Variants in DSE observed in about 807,000 individuals in gnomAD.
DSE encodes dermatan-sulfate epimerase.
DSE carries 36 observed loss-of-function variants against 84.4 expected under a neutral mutation model. The ratio of observed to expected loss-of-function variants is 0.43; its 90% CI spans 0.33 to 0.56. DSE has a LOEUF of 0.56. Among genes scored for constraint, DSE ranks in the 20% least tolerant of loss-of-function variants. DSE has a pLI of 0.06. For missense variants in DSE, 862 were observed against 1,169.6 expected, an observed-to-expected ratio of 0.74 and a Z score of 3.84; for synonymous variants, 410 against 430.1, an observed-to-expected ratio of 0.95 and a Z score of 0.58.
At chr6:116,258,321 T>G in intron 1 of DSE, 1 of 494,902 alleles carries the variant, frequency 2.0e-6, no homozygotes, top group Non-Finnish European at 3.7e-6. Context: ...TGGCCAGATA[T>G]TTCTTTTTAT....
rs181384443 is a variant in DSE at position 116,411,729 on chromosome 6, T to C, written c.416+12063T>C. Among the ~76,000 whole-genome samples the C allele has an allele frequency of 3.3e-5, 5 of 152,376 alleles. No individual in the cohort carries two copies. In the East Asian group the frequency reaches 9.6e-4, roughly 29 times the overall value. On this transcript the variant is annotated intron_variant, in intron 2 of 5. Transcript: ENST00000644252. ...TTTCTAGAAACCACATGAAGTTTAC[T>C]ATTTTACCTTTTTCCAAGAGCCTGT... is the stretch of plus-strand genomic sequence containing the variant.
intron 2 of DSE, among the ~76,000 whole-genome samples, chr6:116,414,553 C>G (rs1443258011): frequency 6.6e-6 from 1 of 152,126 alleles, no homozygotes; most frequent in Non-Finnish European, 1.5e-5. Context: ...GCTGGGATTA[C>G]AGGCATGTGC....
At chr6:116,296,371 G>A (rs1282465967) in intron 2 of DSE, among the ~76,000 whole-genome samples, 1 of 152,070 alleles carries the variant, frequency 6.6e-6, no homozygotes, top group Non-Finnish European at 1.5e-5. Context: ...AGAACCCTTG[G>A]ATATGAAGGG....
intron 2 of DSE, among the ~76,000 whole-genome samples, chr6:116,304,851 C>T (rs1394978427): frequency 1.3e-5 from 2 of 152,182 alleles, no homozygotes; most frequent in Non-Finnish European, 2.9e-5. Context: ...GGTTGTCATT[C>T]TACTATCTTT....
At chr6:116,329,495 A>T (rs74519877) in intron 2 of DSE, among the ~76,000 whole-genome samples, 7,090 of 152,330 alleles carry the variant, frequency 0.047, 229 homozygotes, top group Non-Finnish European at 0.069. Flanking sequence ...ATCCCAAAGA[A>T]AAAAGGATAT....
At position 116,441,250 on chromosome 6, in the gene DSE, G is replaced by A. The variant is rs1012760059; in HGVS notation, c.*3905G>A. 1 of 152,046 alleles carries A rather than the reference G, an allele frequency of 6.6e-6. No homozygotes were observed. The highest frequency in any genetic ancestry group is 2.4e-5 in the African/African-American group (1 of 41,402). The allele number at this position is 152,046 out of a possible 1,614,324, so 9.4% of individuals were successfully genotyped here. ...AGTCACTATGTGAAGAATAAAAATA[G>A]ACAAAGTTGCATTATGACTTTTCTT... is the stretch of plus-strand genomic sequence containing the variant. On this transcript the variant is annotated 3_prime_UTR_variant, in exon 6 of 6. Coordinates refer to ENST00000644252, the MANE Select transcript of DSE (RefSeq NM_013352.4).
chr6:116,395,542 C>T (rs948150041), intron 1 of DSE, among the ~76,000 whole-genome samples: 2 of 152,138 alleles, frequency 1.3e-5, no homozygotes, highest in Non-Finnish European at 2.9e-5. Context: ...ATTCAGGTAC[C>T]ACCTTCAACA....
At chr6:116,348,963 C>G (rs1016614193) in intron 2 of DSE, among the ~76,000 whole-genome samples, 6 of 146,274 alleles carry the variant, frequency 4.1e-5, no homozygotes, top group African/African-American at 1.5e-4. Context: ...CATCACACAC[C>G]AGGGTGGGGT....
chr6:116,415,696 C>T (rs964588206), intron 2 of DSE, among the ~76,000 whole-genome samples: 1 of 151,550 alleles, frequency 6.6e-6, no homozygotes, highest in Admixed American at 6.6e-5. Context: ...TTTTATTGCA[C>T]TTACCTTCCT....
chr6:116,394,438 A>AT (rs36065645), intron 1 of DSE, among the ~76,000 whole-genome samples: 53,231 of 147,060 alleles, frequency 0.36, 9,646 homozygotes, highest in Admixed American at 0.4. Context: ...TAACAGCGTG[A>AT]TTTTTTTTTT....
At chr6:116,404,109 T>C (rs2115006162) in intron 2 of DSE, among the ~76,000 whole-genome samples, 1 of 152,298 alleles carries the variant, frequency 6.6e-6, no homozygotes, top group East Asian at 1.9e-4. Flanking sequence ...AGCCTCCCTA[T>C]ACCTTATGAA....
chr6:116,377,238 A>G (rs1779980845), intron 1 of DSE, among the ~76,000 whole-genome samples: 1 of 152,232 alleles, frequency 6.6e-6, no homozygotes, highest in Non-Finnish European at 1.5e-5. Flanking sequence ...AATAATAGGC[A>G]TTTAATGCGT....
rs199933032 is a variant in DSE, at chr6:116,279,333, G to C, written c.-54+20366G>C. ...CCTCAGCGCTCTCCCTCTCAGCCAC[G>C]GCTGCTGAGACGGTGGCGCACTTTC... On this transcript the variant is annotated intron_variant, in intron 2 of 3. Transcript: ENST00000430252. The C allele has an allele frequency of 6.3e-4, 1,008 of 1,610,572 alleles. 7 individuals are homozygous for C. The highest frequency in any genetic ancestry group is 1.5e-4 in the Non-Finnish European group (175 of 1,179,934).
chr6:116,365,501 T>TGC, upstream of DSE, among the ~76,000 whole-genome samples: 1 of 149,794 alleles, frequency 6.7e-6, no homozygotes, highest in Admixed American at 6.6e-5. Flanking sequence ...GATCTGCCCA[T>TGC]CTCGGCCTCC....
chr6:116,436,534 C>T lies in DSE; in HGVS notation c.2066C>T (p.Thr689Ile), dbSNP rs754763112. The T allele has an allele frequency of 6.2e-7, 1 of 1,614,172 alleles. No individual in the cohort carries two copies. Among genetic ancestry groups the T allele is most frequent in the Non-Finnish European group, 8.5e-7 (1 of 1,180,012 alleles). ...DSQQLDVFIA[T>I]SKHAYATYLW... is the part of the protein sequence containing the mutation. ...CAGCAACTGGATGTGTTCATAGCCACCAGCAAACATGCCTACGCCACATAC... is the reference window on the plus strand; with the variant it reads ...CAGCAACTGGATGTGTTCATAGCCATCAGCAAACATGCCTACGCCACATAC... The change falls in exon 6 of 6, where the codon ACC becomes ATC. Residue 689 changes from threonine (T) to isoleucine (I), a missense_variant. Coordinates refer to ENST00000644252, the MANE Select transcript of DSE (RefSeq NM_013352.4).
At chr6:116,291,896 TG>T (rs1320899933) in intron 2 of DSE, among the ~76,000 whole-genome samples, 3 of 152,270 alleles carry the variant, frequency 2.0e-5, no homozygotes, top group East Asian at 3.9e-4. Flanking sequence ...TTGTTTAGTT[TG>T]GGTAACAAGG....
intron 1 of DSE, among the ~76,000 whole-genome samples, chr6:116,391,386 G>A (rs185618853): frequency 6.6e-6 from 1 of 152,170 alleles, no homozygotes; most frequent in Admixed American, 6.5e-5. Context: ...AATTCTTGGA[G>A]GTTCCATATA....
chr6:116,396,619 T>G (rs908648326), intron 1 of DSE, among the ~76,000 whole-genome samples: 1 of 152,238 alleles, frequency 6.6e-6, no homozygotes, highest in African/African-American at 2.4e-5. Context: ...CATGTTGAGA[T>G]GGCATCCTTC....
intron 2 of DSE, among the ~76,000 whole-genome samples, chr6:116,325,684 C>T (rs1370373152): frequency 3.3e-5 from 5 of 152,202 alleles, no homozygotes; most frequent in Non-Finnish European, 4.4e-5. Flanking sequence ...TTCTCAAATA[C>T]ATAACCCATG....
Sources: allele counts gnomAD v4.1 joint callset (sites outside exome capture counted in the v4.1 genomes callset), GRCh38; gene constraint gnomAD v4.1.1; transcripts MANE v1.5; gene names NCBI Gene and HGNC (gene_info 2026-07-23, HGNC 2026-07-21).